CAMKK1: variants seen among roughly 807,000 people sequenced by gnomAD.
CAMKK1 encodes calcium/calmodulin dependent protein kinase kinase 1, also known as calcium/calmodulin-dependent protein kinase kinase 1.
Under a neutral mutation model 63.5 loss-of-function variants are expected in CAMKK1, and 20 were observed. The observed-to-expected ratio is 0.32, with a 90% confidence interval of 0.22 to 0.46. The LOEUF is 0.46. Among genes scored for constraint, CAMKK1 ranks in the 20% least tolerant of loss-of-function variants. The pLI, the probability that CAMKK1 is intolerant of heterozygous loss-of-function variation, is 1.00. For missense variants in CAMKK1, 588 were observed against 658.1 expected, an observed-to-expected ratio of 0.89 and a Z score of 1.17; for synonymous variants, 253 against 269.0, an observed-to-expected ratio of 0.94 and a Z score of 0.58.
chr17:3,881,549 TG>T, intron 8 of CAMKK1, 77 bp downstream of exon 8: 1 of 1,419,550 alleles, frequency 7.0e-7, no homozygotes, highest in Non-Finnish European at 9.7e-7. Flanking sequence ...AGCTGACCCC[TG>T]GGCTGGGGAC....
chr17:3,862,484 CCGCAA>C lies in CAMKK1; in HGVS notation c.1446-206_1446-202del, dbSNP rs936863146. Among the ~76,000 whole-genome samples, 6 of 152,240 alleles carry C rather than the reference CCGCAA, an allele frequency of 3.9e-5. No individual in the cohort carries two copies. The highest frequency in any genetic ancestry group is 4.1e-4 in the South Asian group (2 of 4,822). The stretch of plus-strand genomic sequence containing the variant: ...CGGTCTCTCAGCCCCCAGTCTCAGC[CCGCAA>C]CGCCTCCGTGGCCCCCCATTGACCA... On this transcript the variant is annotated intron_variant, in intron 15 of 15. Transcript: ENST00000348335. The surrounding 1 kb of genome is among the most constrained non-coding windows in gnomAD (Gnocchi z 4.1).
At chr17:3,866,069 T>G in intron 14 of CAMKK1, 58 bp from the exon 15 acceptor site, 1 of 1,585,508 alleles carries the variant, frequency 6.3e-7, no homozygotes, top group Non-Finnish European at 8.6e-7. Flanking sequence ...ACACGCAGCC[T>G]CTGCTCCGAT....
At chr17:3,885,285 T>C (rs1246831205) in intron 2 of CAMKK1, 43 bp downstream of exon 2, 1 of 1,534,644 alleles carries the variant, frequency 6.5e-7, no homozygotes, top group African/African-American at 1.4e-5. Flanking sequence ...CATTGCAGAC[T>C]ACTGAGGGGC....
At position 3,889,802 on chromosome 17, in the gene CAMKK1, C is replaced by T. The variant is rs145274938; in HGVS notation, c.-44+3137G>A. Among the ~76,000 whole-genome samples, 450 of 152,312 alleles carry T rather than the reference C, an allele frequency of 3.0e-3. 3 individuals carry two copies. The highest frequency in any genetic ancestry group is 4.2e-3 in the Non-Finnish European group (287 of 68,010). ...AGGAATGTGGGCCCCCGGCTCCAGA[C>T]GCCCACTTGGCCTGGCTTCTTCCAC... On this transcript the variant is annotated intron_variant, in intron 1 of 15. Coordinates refer to ENST00000348335, the MANE Select transcript of CAMKK1 (RefSeq NM_032294.3). This position sits in a 1 kb window ranked among gnomAD's most constrained non-coding sequence, Gnocchi z 5.2.
At chr17:3,886,524 C>T (rs1225407336) in intron 1 of CAMKK1, among the ~76,000 whole-genome samples, 2 of 152,036 alleles carry the variant, frequency 1.3e-5, no homozygotes, top group South Asian at 2.1e-4. Flanking sequence ...CCCATCTACT[C>T]GGGAGGCTGA....
chr17:3,868,357 TTGATACGCGGGCG>T (rs2054659281), intron 14 of CAMKK1, among the ~76,000 whole-genome samples: 1 of 136,700 alleles, frequency 7.3e-6, no homozygotes, highest in African/African-American at 3.1e-5. Flanking sequence ...CACTGCCTGA[TTGATACGCGGGCG>T]CTGGGGGAGA....
chr17:3,863,695 G>T (rs1597434051), intron 15 of CAMKK1, among the ~76,000 whole-genome samples: 2 of 152,196 alleles, frequency 1.3e-5, no homozygotes, highest in African/African-American at 4.8e-5. Flanking sequence ...GGGCAACATG[G>T]CAAGACTCCA....
Position 3,885,363 on chromosome 17 carries a change from T to C in CAMKK1, c.325A>G (p.Ile109Val). 6.2e-7 allele frequency: 1 copy of C among 1,606,010 alleles called. No individual in the cohort carries two copies. The highest frequency in any genetic ancestry group is 8.5e-7 in the Non-Finnish European group (1 of 1,175,178). The change falls in exon 2 of 16, where the codon ATC (isoleucine) becomes GTC (valine). Residue 109 changes from isoleucine (I) to valine (V), a missense_variant. By Grantham distance (29) the Ile-to-Val change is conservative. Around this residue, in one of 3 missense-constraint regions of CAMKK1, gnomAD observed 357 missense variants for 407.4 expected, o/e 0.88. Coordinates refer to ENST00000348335, the MANE Select transcript of CAMKK1 (RefSeq NM_032294.3). ...GAGATGGCCACGTGGTGGGACTCGA[T>C]GGTGGGCCTCCGCCAGGCCCGGGGG... is the stretch of plus-strand genomic sequence containing the variant. ...ISPRAWRRPT[I>V]ESHHVAISDA...
intron 12 of CAMKK1, among the ~76,000 whole-genome samples, chr17:3,871,801 A>G (rs1363921742): frequency 6.7e-6 from 1 of 149,792 alleles, no homozygotes; most frequent in Non-Finnish European, 1.5e-5. Context: ...GTGCGCCACC[A>G]CGCCTGGCTA....
At chr17:3,872,839 G>C (rs112320091) in intron 11 of CAMKK1, among the ~76,000 whole-genome samples, 2 of 152,160 alleles carry the variant, frequency 1.3e-5, no homozygotes, top group Admixed American at 1.3e-4. Context: ...TGCATCCACC[G>C]CCGTTACTGC....
In CAMKK1 at chr17:3,883,561, G is replaced by A. The variant is rs564732719; in HGVS notation, c.463-81C>T. On this transcript the variant is annotated intron_variant, in intron 4 of 15. Transcript: ENST00000348335. The surrounding 1 kb of genome is among the most constrained non-coding windows in gnomAD (Gnocchi z 4.7). ...GGCTGGTACATGTGGACTGAGGTCC[G>A]GAGAGGCACACTGGACATCTGCTAC... 1.8e-4 allele frequency: 209 copies of A among 1,131,084 alleles called. No homozygotes were observed. The highest frequency in any genetic ancestry group is 2.2e-4 in the Non-Finnish European group (165 of 740,386). The allele number at this position is 1,131,084 out of a possible 1,614,324, so 70.1% of individuals were successfully genotyped here. A position where few individuals can be genotyped will look rare whatever the true frequency, so the allele number is the denominator to read the frequency against.
Position 3,890,281 on chromosome 17 carries a change from G to A in CAMKK1, c.-44+2658C>T, listed in dbSNP as rs1410529483. Reference sequence around the variant, plus strand: ...TCATGCTTGACGACTCCTGCTGTGAGGACGCCCGCTCCCACCATCCCTGGG... The same window carrying A: ...TCATGCTTGACGACTCCTGCTGTGAAGACGCCCGCTCCCACCATCCCTGGG... On this transcript the variant is annotated intron_variant, in intron 1 of 15. Transcript: ENST00000348335. The surrounding 1 kb of genome is among the most constrained non-coding windows in gnomAD (Gnocchi z 6.5). 6.6e-6 allele frequency among the ~76,000 whole-genome samples: 1 copy of A among 152,142 alleles called. No individual in the cohort carries two copies. Among genetic ancestry groups the A allele is most frequent in the Non-Finnish European group, 1.5e-5 (1 of 68,022 alleles).
At chr17:3,877,455 G>A (rs760958262) in intron 9 of CAMKK1, among the ~76,000 whole-genome samples, 1 of 152,136 alleles carries the variant, frequency 6.6e-6, no homozygotes, top group Non-Finnish European at 1.5e-5. Context: ...GACTGGTAAG[G>A]TCCCAGCCAA....
rs2054315488 is a variant in CAMKK1, at chr17:3,860,900, C to T, written c.*1311G>A. 1 of 152,294 alleles carries T rather than the reference C, an allele frequency of 6.6e-6. No homozygotes were observed. 9.4% of individuals were successfully genotyped at this position (152,294 alleles called of 1,614,324 possible). ...AAGCCCTCCTCCAACAGGACACCCA[C>T]ACCTGTGGCCAAAAGCCCTTGTCCA... On this transcript the variant is annotated 3_prime_UTR_variant, in exon 16 of 16. Transcript: ENST00000348335.
In CAMKK1 at chr17:3,876,312, TC is replaced by T; in HGVS notation, c.906del (p.Asn303ThrfsTer83). Reference protein sequence around the residue: ...ADFGVSNQFEGNDAQLSSTAG... With the variant: ...ADFGVSNQFEXNDAQLSSTAG... Reference sequence around the variant, plus strand: ...GCCGTGCTGGACAGCTGAGCGTCGTTCCCCTCAAACTGGTTGCTGACGCCAA... The same window carrying T: ...GCCGTGCTGGACAGCTGAGCGTCGTTCCCTCAAACTGGTTGCTGACGCCAA... On this transcript the variant is annotated frameshift_variant, in exon 10 of 16. Transcript: ENST00000348335. LOFTEE classifies it high-confidence loss of function. 1.2e-6 allele frequency: 2 copies of T among 1,614,128 alleles called. No homozygotes were observed. Among genetic ancestry groups the T allele is most frequent in the Non-Finnish European group, 1.7e-6 (2 of 1,180,028 alleles).
chr17:3,872,741 T>C, intron 11 of CAMKK1, 114 bp from the exon 12 acceptor site: 1 of 779,646 alleles, frequency 1.3e-6, no homozygotes, highest in Non-Finnish European at 2.2e-6. Flanking sequence ...TGGGCTCCCA[T>C]TACATGAGAA....
intron 14 of CAMKK1, among the ~76,000 whole-genome samples, chr17:3,869,073 A>G (rs1177910321): frequency 6.7e-6 from 1 of 148,582 alleles, no homozygotes; most frequent in Non-Finnish European, 1.5e-5. Context: ...GGTTCACACC[A>G]TTCTCCTGCC....
chr17:3,866,419 G>A (rs1267379166), intron 14 of CAMKK1, among the ~76,000 whole-genome samples: 2 of 152,270 alleles, frequency 1.3e-5, no homozygotes, highest in African/African-American at 4.8e-5. Flanking sequence ...AGGGCGGCCC[G>A]GGAAGCGGCT....
chr17:3,865,877 G>A (rs2054499058), intron 15 of CAMKK1, 31 bp downstream of exon 15: 1 of 1,613,300 alleles, frequency 6.2e-7, no homozygotes, highest in South Asian at 1.1e-5. Flanking sequence ...TCCAGGGAGT[G>A]CCCGGCAGTC....
Sources: allele counts gnomAD v4.1 joint callset (sites outside exome capture counted in the v4.1 genomes callset), GRCh38; gene constraint gnomAD v4.1.1; regional missense constraint gnomAD v4.1.1; non-coding constraint Gnocchi (gnomAD v3.1); transcripts MANE v1.5; gene names NCBI Gene and HGNC (gene_info 2026-07-23, HGNC 2026-07-21).